The following SUPT3H variants were observed in gnomAD, a reference collection of about 807,000 sequenced individuals.
SUPT3H encodes the protein SPT3 homolog, SAGA and STAGA complex component, also known as transcription initiation protein SPT3 homolog.
Under a neutral mutation model 44.3 loss-of-function variants are expected in SUPT3H, and 44 were observed. That is an observed-to-expected ratio of 0.99 (90% CI 0.78 to 1.28). The LOEUF (loss-of-function observed/expected upper bound fraction) is 1.28, where lower values mean the gene tolerates loss of function less well. Among genes scored for constraint, SUPT3H ranks in the 50% most tolerant of loss-of-function variants. The probability of loss-of-function intolerance (pLI) is 0.00; values close to 1 mark genes in which losing one functional copy is unlikely to be tolerated. For synonymous variants in SUPT3H, 124 were observed against 125.6 expected (o/e 0.99, Z 0.09); for missense variants, 380 against 387.1 (o/e 0.98, Z 0.15).
At chr6:45,029,849 C>G (rs750506529) in intron 3 of SUPT3H, among the ~76,000 whole-genome samples, 26 of 152,188 alleles carry the variant, frequency 1.7e-4, no homozygotes, top group Admixed American at 6.5e-4. Context: ...ACTGCAGCCT[C>G]AAACTCCTGG....
At chr6:44,969,235 A>G (rs1324561833) in intron 6 of SUPT3H, among the ~76,000 whole-genome samples, 1 of 152,234 alleles carries the variant, frequency 6.6e-6, no homozygotes, top group Non-Finnish European at 1.5e-5. Context: ...GTTGCATACT[A>G]GAATGCATGT....
intron 10 of SUPT3H, among the ~76,000 whole-genome samples, chr6:44,888,312 A>G (rs961853088): frequency 2.6e-5 from 4 of 152,144 alleles, no homozygotes; most frequent in Admixed American, 1.3e-4. Flanking sequence ...GACACAACAA[A>G]AAAAGAGAAT....
At chr6:45,015,185 C>T (rs1350832439) in intron 4 of SUPT3H, among the ~76,000 whole-genome samples, 1 of 152,078 alleles carries the variant, frequency 6.6e-6, no homozygotes, top group Non-Finnish European at 1.5e-5. Context: ...GAGACTTCAT[C>T]GTTTTGTGAA....
At chr6:45,170,224 G>C (rs1349557475) in intron 2 of SUPT3H, among the ~76,000 whole-genome samples, 1 of 152,190 alleles carries the variant, frequency 6.6e-6, no homozygotes, top group Non-Finnish European at 1.5e-5. Context: ...AGGGCTGACA[G>C]AACAAGAAAA....
intron 9 of SUPT3H, among the ~76,000 whole-genome samples, chr6:44,943,951 G>C (rs554431457): frequency 6.6e-6 from 1 of 151,972 alleles, no homozygotes; most frequent in South Asian, 2.1e-4. Flanking sequence ...GAGAAATAAA[G>C]AACAATGGGA....
intron 9 of SUPT3H, among the ~76,000 whole-genome samples, chr6:44,951,627 A>G (rs1234500663): frequency 2.6e-5 from 4 of 152,202 alleles, no homozygotes; most frequent in Non-Finnish European, 4.4e-5. Context: ...CAGAGAGCCC[A>G]GGAAATCCAG....
rs927606651 is a variant in SUPT3H at position 45,262,343 on chromosome 6, C to T, written c.101+102858G>A. Among the ~76,000 whole-genome samples the T allele has an allele frequency of 2.6e-5, 4 of 152,004 alleles. No individual in the cohort carries two copies. In the East Asian group the frequency reaches 7.7e-4, roughly 29 times the overall value. ...AGACCAACAGAACAGAATAGAGAAC[C>T]CAGAAATAAACCCAAGCACCTACAA... is the stretch of plus-strand genomic sequence containing the variant. On this transcript the variant is annotated intron_variant, in intron 2 of 10. Transcript: ENST00000371459.
chr6:45,116,623 C>A (rs966914363), intron 2 of SUPT3H, among the ~76,000 whole-genome samples: 1 of 152,012 alleles, frequency 6.6e-6, no homozygotes, highest in Non-Finnish European at 1.5e-5. Context: ...ATGACAAATC[C>A]TTTTACATGA....
chr6:45,368,551 C>A (rs1467958601), intron 1 of SUPT3H, among the ~76,000 whole-genome samples: 1 of 151,950 alleles, frequency 6.6e-6, no homozygotes, highest in African/African-American at 2.4e-5. Flanking sequence ...ACTAAATGAC[C>A]ACAGAAGAAA....
intron 2 of SUPT3H, among the ~76,000 whole-genome samples, chr6:45,253,764 G>A (rs113570931): frequency 1.3e-5 from 2 of 150,130 alleles, no homozygotes; most frequent in African/African-American, 4.9e-5. Context: ...CTACACCCGA[G>A]GCAACAGACC....
At position 45,228,591 on chromosome 6, in the gene SUPT3H, G is replaced by A. The variant is rs76125962; in HGVS notation, c.102-122585C>T. On this transcript the variant is annotated intron_variant, in intron 2 of 10. Coordinates refer to ENST00000371459, the MANE Select transcript of SUPT3H (RefSeq NM_003599.4). Reference sequence around the variant, plus strand: ...TCTTTCTATGCAAACACCCGCGCGCGCGCACACACACACACTATTGGTTTT... The same window carrying A: ...TCTTTCTATGCAAACACCCGCGCGCACGCACACACACACACTATTGGTTTT... Among the ~76,000 whole-genome samples, 601 of 152,000 alleles carry A rather than the reference G, an allele frequency of 4.0e-3. 7 individuals are homozygous for A. The highest frequency in any genetic ancestry group is 0.014 in the African/African-American group (573 of 41,448).
At chr6:44,858,000 C>T (rs183643031) in intron 10 of SUPT3H, among the ~76,000 whole-genome samples, 2 of 152,226 alleles carry the variant, frequency 1.3e-5, no homozygotes, top group African/African-American at 2.4e-5. Flanking sequence ...TCTTGGCTAA[C>T]GTTATTAGTC....
At chr6:45,127,399 G>A (rs560497733) in intron 2 of SUPT3H, among the ~76,000 whole-genome samples, 1 of 152,110 alleles carries the variant, frequency 6.6e-6, no homozygotes, top group South Asian at 2.1e-4. Flanking sequence ...ACACTTCCCA[G>A]GCACCTGACA....
chr6:45,116,418 A>C (rs769667412), intron 2 of SUPT3H, among the ~76,000 whole-genome samples: 1 of 152,206 alleles, frequency 6.6e-6, no homozygotes, highest in Non-Finnish European at 1.5e-5. Flanking sequence ...ATTTTTCTTT[A>C]AACAGTAAGC....
intron 2 of SUPT3H, among the ~76,000 whole-genome samples, chr6:45,343,360 C>T (rs1013048132): frequency 6.6e-6 from 1 of 152,060 alleles, no homozygotes; most frequent in Non-Finnish European, 1.5e-5. Flanking sequence ...AAGTTGTTCA[C>T]TTGATCTGTT....
At position 45,259,878 on chromosome 6, in the gene SUPT3H, A is replaced by C. The variant is rs1439092297; in HGVS notation, c.101+105323T>G. The stretch of plus-strand genomic sequence containing the variant: ...CTGATGGAAAGTAACAATGTATGTC[A>C]CAGGTAAATTATAAATTAACCTTTA... On this transcript the variant is annotated intron_variant, in intron 2 of 10. Transcript: ENST00000371459. Among the ~76,000 whole-genome samples, 3 of 152,204 alleles carry C rather than the reference A, an allele frequency of 2.0e-5. No individual in the cohort carries two copies. The East Asian group carries it at 5.8e-4, about 29-fold the overall frequency.
chr6:44,811,054 T>G (rs1178135851), intron 11 of SUPT3H, among the ~76,000 whole-genome samples: 1 of 152,228 alleles, frequency 6.6e-6, no homozygotes, highest in African/African-American at 2.4e-5. Context: ...GAACAAATAT[T>G]GGTATGTTAT....
chr6:44,896,759 G>A lies in SUPT3H; in HGVS notation c.912+35894C>T, dbSNP rs183514519. 1.2e-4 allele frequency among the ~76,000 whole-genome samples: 18 copies of A among 152,262 alleles called. No individual in the cohort carries two copies. In the East Asian group the frequency reaches 2.9e-3, roughly 24 times the overall value. ...TCTAGGGTAGAAAAGTGGGAGAGTT[G>A]TTAATTTCTATGTTTTAAAAAAACA... On this transcript the variant is annotated intron_variant, in intron 10 of 10. Transcript: ENST00000371459.
chr6:45,072,194 T>A (rs553503217), intron 3 of SUPT3H, among the ~76,000 whole-genome samples: 41 of 152,234 alleles, frequency 2.7e-4, no homozygotes, highest in African/African-American at 9.4e-4. Context: ...GCAGTCAGAC[T>A]CCTAAAACAA....
Sources: gnomAD v4.1 joint callset for allele counts (sites outside exome capture counted in the v4.1 genomes callset) on GRCh38, gnomAD v4.1.1 for gene constraint, MANE v1.5 for transcripts, NCBI Gene and HGNC (gene_info 2026-07-23, HGNC 2026-07-21) for gene names.